Variants in CNGA1 observed in about 807,000 individuals in gnomAD.
CNGA1 encodes the protein cyclic nucleotide-gated channel alpha-1.
Under a neutral mutation model 69.7 loss-of-function variants are expected in CNGA1, and 53 were observed. That is an observed-to-expected ratio of 0.76 (90% CI 0.61 to 0.96). The LOEUF (loss-of-function observed/expected upper bound fraction) is 0.96. CNGA1 is among the 40% of genes least tolerant of loss of function. The probability of loss-of-function intolerance (pLI) is 0.00; values close to 1 mark genes in which losing one functional copy is unlikely to be tolerated. For synonymous variants in CNGA1, 249 were observed against 283.5 expected, an observed-to-expected ratio of 0.88 and a Z score of 1.22; for missense variants, 739 against 811.2, an observed-to-expected ratio of 0.91 and a Z score of 1.08.
In CNGA1 at chr4:47,940,750, T is replaced by C. The variant is rs1560619903; in HGVS notation, c.652+13A>G. 1 of 1,475,410 alleles carries C rather than the reference T, an allele frequency of 6.8e-7. No individual in the cohort carries two copies. The highest frequency in any genetic ancestry group is 2.3e-5 in the East Asian group (1 of 44,206). The allele number at this position is 1,475,410 out of a possible 1,614,324, so 91.4% of individuals were successfully genotyped here. ...CATGAAATTTTAAAATATTCAAAAC[T>C]GAACATATTTACCTGTCCTTGTTCG... On this transcript the variant is annotated intron_variant, in intron 10 of 10. Transcript: ENST00000514170.
intron 2 of CNGA1, among the ~76,000 whole-genome samples, chr4:47,982,268 C>A (rs1553868448): frequency 6.6e-6 from 1 of 152,174 alleles, no homozygotes; most frequent in Non-Finnish European, 1.5e-5. Context: ...CATCTATTAG[C>A]TCCAAAAATA....
chr4:48,009,464 C>CAAA (rs3033844), intron 2 of CNGA1, among the ~76,000 whole-genome samples: 1,033 of 102,290 alleles, frequency 0.01, 23 homozygotes, highest in African/African-American at 0.041. Context: ...GAGTCTGTCT[C>CAAA]AAAAAAAAAA....
chr4:47,978,648 C>G (rs1352009725), intron 3 of CNGA1, among the ~76,000 whole-genome samples: 1 of 152,004 alleles, frequency 6.6e-6, no homozygotes, highest in Admixed American at 6.6e-5. Context: ...TGATAATTTT[C>G]TCTCTTCAAA....
intron 10 of CNGA1, among the ~76,000 whole-genome samples, chr4:47,939,456 G>A (rs924102197): frequency 9.2e-5 from 14 of 152,108 alleles, no homozygotes; most frequent in Non-Finnish European, 1.5e-4. Context: ...ATATAATAGC[G>A]CAGTAAACAT....
chr4:47,952,521 TC>T, intron 4 of CNGA1, 61 bp downstream of exon 4: 1 of 1,549,652 alleles, frequency 6.5e-7, no homozygotes, highest in South Asian at 1.1e-5. Context: ...TGAAATTAAA[TC>T]TAGTTAAATT....
intron 6 of CNGA1, among the ~76,000 whole-genome samples, chr4:47,949,214 G>C (rs1739601431): frequency 6.6e-6 from 1 of 152,168 alleles, no homozygotes; most frequent in Non-Finnish European, 1.5e-5. Flanking sequence ...GCTGGCCTTG[G>C]CTGAAGGAAA....
chr4:47,994,434 C>T (rs1578120966), intron 2 of CNGA1, among the ~76,000 whole-genome samples: 1 of 151,954 alleles, frequency 6.6e-6, no homozygotes, highest in South Asian at 2.1e-4. Flanking sequence ...TATAATGTTC[C>T]TCTTTGTCTT....
chr4:47,943,255 G>A lies in CNGA1; in HGVS notation c.363C>T (p.Asp121=), dbSNP rs1189498716. ...KSDDKNENKN[D]PEKKKKKKDK... Reference sequence around the variant, plus strand: ...CCTTTTTCTTCTTTTTCTTCTCTGGGTCGTTTTTATTTTCGTTTTTATCAT... The same window carrying A: ...CCTTTTTCTTCTTTTTCTTCTCTGGATCGTTTTTATTTTCGTTTTTATCAT... The change falls in exon 8 of 11, where the codon GAC becomes GAT. Residue 121 remains aspartate, a synonymous_variant. Coordinates refer to ENST00000514170, the MANE Select transcript of CNGA1 (RefSeq NM_001379270.1). The A allele has an allele frequency of 6.4e-7, 1 of 1,569,952 alleles. No homozygotes were observed. The highest frequency in any genetic ancestry group is 1.9e-5 in the Admixed American group (1 of 53,240).
At chr4:47,959,607 C>T (rs1180864946) in intron 3 of CNGA1, among the ~76,000 whole-genome samples, 1 of 152,028 alleles carries the variant, frequency 6.6e-6, no homozygotes, top group East Asian at 1.9e-4. Context: ...GACACTCAAT[C>T]TAAAAGAAAA....
intron 2 of CNGA1, among the ~76,000 whole-genome samples, chr4:47,995,156 G>A (rs1380182171): frequency 6.7e-6 from 1 of 149,748 alleles, no homozygotes; most frequent in Non-Finnish European, 1.5e-5. Context: ...AATGTGCCTA[G>A]GTGATGATCT....
At position 47,941,976 on chromosome 4, in the gene CNGA1, C is replaced by G. The variant is rs1261828736; in HGVS notation, c.545+65G>C. ...AGGGCTCTAAGTCAAATTGTTTAGT[C>G]AGTGAACTTGGAAACTAGAAATGGG... On this transcript the variant is annotated intron_variant, in intron 9 of 10. Coordinates refer to ENST00000514170, the MANE Select transcript of CNGA1 (RefSeq NM_001379270.1). 4 of 972,154 alleles carry G rather than the reference C, an allele frequency of 4.1e-6. No homozygotes were observed. The East Asian group carries it at 1.0e-4, about 24-fold the overall frequency. 60.2% of individuals were successfully genotyped at this position (972,154 alleles called of 1,614,324 possible). A position where few individuals can be genotyped will look rare whatever the true frequency, so the allele number is the denominator to read the frequency against.
intron 3 of CNGA1, among the ~76,000 whole-genome samples, 166 bp downstream of exon 3, chr4:47,981,227 A>C (rs1056969802): frequency 6.6e-6 from 1 of 152,244 alleles, no homozygotes; most frequent in South Asian, 2.1e-4. Context: ...GTATTCACTT[A>C]TCTGTCAAAA....
chr4:47,989,762 T>C (rs554853557), intron 2 of CNGA1, among the ~76,000 whole-genome samples: 56 of 149,702 alleles, frequency 3.7e-4, no homozygotes, highest in African/African-American at 1.3e-3. Flanking sequence ...CAGTATACAC[T>C]GAACCCTATT....
intron 1 of CNGA1, among the ~76,000 whole-genome samples, chr4:48,014,836 C>T (rs989541578): frequency 2.2e-4 from 34 of 152,084 alleles, no homozygotes; most frequent in African/African-American, 8.0e-4. Context: ...TTGATAAAGA[C>T]AAAATTTTAA....
At chr4:47,956,922 T>A (rs1740122556) in intron 3 of CNGA1, among the ~76,000 whole-genome samples, 2 of 149,576 alleles carry the variant, frequency 1.3e-5, no homozygotes, top group Admixed American at 6.6e-5. Flanking sequence ...TTACTGCAAA[T>A]TTTTATTTTT....
At chr4:47,983,646 G>T (rs1046130667) in intron 2 of CNGA1, among the ~76,000 whole-genome samples, 1 of 151,984 alleles carries the variant, frequency 6.6e-6, no homozygotes, top group African/African-American at 2.4e-5. Flanking sequence ...AAGAGAATAA[G>T]CCCCTTGCCT....
intron 3 of CNGA1, among the ~76,000 whole-genome samples, chr4:47,961,385 C>T (rs1443985233): frequency 6.6e-6 from 1 of 152,172 alleles, no homozygotes; most frequent in African/African-American, 2.4e-5. Flanking sequence ...CTTTTAAAAC[C>T]CTCTTCTGTG....
intron 2 of CNGA1, among the ~76,000 whole-genome samples, chr4:47,994,106 T>C (rs912251311): frequency 1.3e-5 from 2 of 152,154 alleles, no homozygotes; most frequent in Admixed American, 6.6e-5. Flanking sequence ...ATATTGTCTA[T>C]CTTGGAGAAA....
intron 3 of CNGA1, among the ~76,000 whole-genome samples, chr4:47,953,904 C>A (rs1296522743): frequency 6.4e-5 from 4 of 62,024 alleles, no homozygotes; most frequent in Non-Finnish European, 1.3e-4. Context: ...GGCCTTATGC[C>A]CTCGGACCTT....
Sources: allele counts gnomAD v4.1 joint callset (sites outside exome capture counted in the v4.1 genomes callset), GRCh38; gene constraint gnomAD v4.1.1; transcripts MANE v1.5; gene names NCBI Gene and HGNC (gene_info 2026-07-23, HGNC 2026-07-21).